Variants in CBLN2 observed in about 807,000 individuals in gnomAD.
CBLN2 encodes cerebellin-2.
In CBLN2, 7 loss-of-function variants were observed where a neutral mutation model predicts 15.0. That is an observed-to-expected ratio of 0.47 (90% CI 0.27 to 0.88). The LOEUF (loss-of-function observed/expected upper bound fraction) is 0.88, where lower values mean the gene tolerates loss of function less well. Ranked by LOEUF, CBLN2 falls within the 40% of genes least tolerant of loss-of-function variation. The pLI is 0.14. For synonymous variants in CBLN2, 149 were observed against 135.2 expected (o/e 1.10, Z -0.71); for missense variants, 242 against 304.5 (o/e 0.79, Z 1.53).
intron 1 of CBLN2, among the ~76,000 whole-genome samples, chr18:72,610,855 G>A (rs1006938754): frequency 6.6e-6 from 1 of 152,132 alleles, no homozygotes. Flanking sequence ...CTTGGGTACT[G>A]AGCATAATAC....
chr18:72,569,834 C>T (rs1036961764), intron 1 of CBLN2, among the ~76,000 whole-genome samples: 1 of 152,192 alleles, frequency 6.6e-6, no homozygotes, highest in South Asian at 2.1e-4. Context: ...CCACCTCCAA[C>T]ACATCCAACA....
chr18:72,632,904 AC>A (rs1393042859), intron 1 of CBLN2, among the ~76,000 whole-genome samples: 8 of 152,188 alleles, frequency 5.3e-5, no homozygotes, highest in African/African-American at 1.7e-4. Flanking sequence ...CAGGTCCCAC[AC>A]CCCTGGTAAT....
chr18:72,569,237 T>G (rs946563520), intron 1 of CBLN2, among the ~76,000 whole-genome samples: 2 of 152,174 alleles, frequency 1.3e-5, no homozygotes, highest in Non-Finnish European at 2.9e-5. Flanking sequence ...TAGTAAAATG[T>G]TTTAGATGTT....
intron 1 of CBLN2, among the ~76,000 whole-genome samples, chr18:72,556,914 C>G (rs1458383639): frequency 6.6e-6 from 1 of 151,916 alleles, no homozygotes; most frequent in African/African-American, 2.4e-5. Context: ...GAAAAAAGAA[C>G]CAAATTATAT....
chr18:72,582,343 C>A (rs1198092085), intron 1 of CBLN2, among the ~76,000 whole-genome samples: 1 of 152,130 alleles, frequency 6.6e-6, no homozygotes, highest in East Asian at 1.9e-4. Flanking sequence ...GGTGGAGCAT[C>A]CGGGAACAGT....
intron 1 of CBLN2, among the ~76,000 whole-genome samples, chr18:72,560,804 C>T (rs533552761): frequency 9.2e-5 from 14 of 152,088 alleles, no homozygotes; most frequent in East Asian, 7.8e-4. Flanking sequence ...GTCAGGAGAT[C>T]GAGACCATCC....
intron 1 of CBLN2, among the ~76,000 whole-genome samples, chr18:72,617,344 A>C (rs190885700): frequency 6.6e-6 from 1 of 152,326 alleles, no homozygotes; most frequent in Admixed American, 6.5e-5. Context: ...CATGAATTCT[A>C]CTAAATAGTT....
At chr18:72,593,948 C>G (rs949540118) in intron 1 of CBLN2, among the ~76,000 whole-genome samples, 2 of 152,108 alleles carry the variant, frequency 1.3e-5, no homozygotes, top group Admixed American at 1.3e-4. Context: ...GAATATTATG[C>G]AGCCATAAAA....
At chr18:72,633,194 A>G (rs1317507309) in intron 1 of CBLN2, among the ~76,000 whole-genome samples, 2 of 152,254 alleles carry the variant, frequency 1.3e-5, no homozygotes, top group South Asian at 2.1e-4. Flanking sequence ...AAATCAACCT[A>G]TTTTACAAAG....
chr18:72,545,476 A>G (rs2069151553), upstream of CBLN2, among the ~76,000 whole-genome samples: 1 of 152,208 alleles, frequency 6.6e-6, no homozygotes. Flanking sequence ...CATGCTGGAG[A>G]TAGGTACTGG....
chr18:72,623,635 G>T (rs1474099565), intron 1 of CBLN2, among the ~76,000 whole-genome samples: 2 of 152,070 alleles, frequency 1.3e-5, no homozygotes, highest in Non-Finnish European at 2.9e-5. Context: ...ACAACCACTG[G>T]CCTGAGTTTG....
At chr18:72,625,532 G>A (rs1422199269) in intron 1 of CBLN2, among the ~76,000 whole-genome samples, 1 of 151,292 alleles carries the variant, frequency 6.6e-6, no homozygotes, top group Non-Finnish European at 1.5e-5. Context: ...TGTATCAGTT[G>A]CACCAACACA....
intron 3 of CBLN2, chr18:72,540,433 A>C (rs985957297): frequency 5.3e-5 from 8 of 152,300 alleles, no homozygotes; most frequent in African/African-American, 1.9e-4. Flanking sequence ...ATCCTGCCCT[A>C]CATCACAGAG....
chr18:72,549,044 C>T (rs1188711160), upstream of CBLN2, among the ~76,000 whole-genome samples: 1 of 151,832 alleles, frequency 6.6e-6, no homozygotes, highest in African/African-American at 2.4e-5. Context: ...TGGAGTCTTG[C>T]TCTGTCACCC....
chr18:72,609,337 G>T (rs533963651), intron 1 of CBLN2, among the ~76,000 whole-genome samples: 1 of 151,992 alleles, frequency 6.6e-6, no homozygotes, highest in East Asian at 1.9e-4. Flanking sequence ...AGGTTATAGG[G>T]GTGGTCACTA....
Position 72,541,922 on chromosome 18 carries a change from G to A in CBLN2, c.239C>T (p.Ser80Phe). 6.2e-7 allele frequency: 1 copy of A among 1,608,538 alleles called. No homozygotes were observed. The highest frequency in any genetic ancestry group is 1.1e-5 in the South Asian group (1 of 90,854). ...GGAGCGCACGGAGATGCCTAGGGAG[G>A]AGGTGACGGCGCCGTCCGCCGACGG... The part of the protein sequence containing the change: ...SSPSADGAVT[S>F]SLGISVRSGS... The change falls in exon 3 of 5, where the codon TCC becomes TTC. Residue 80 changes from serine to phenylalanine, a missense_variant. Ser to Phe is a radical substitution (Grantham distance 155). Around this residue, in one of 4 missense-constraint regions of CBLN2, gnomAD observed 89 missense variants for 114.2 expected, o/e 0.78. Coordinates refer to ENST00000269503, the MANE Select transcript of CBLN2 (RefSeq NM_182511.4).
chr18:72,568,129 G>A (rs563216711), intron 1 of CBLN2, among the ~76,000 whole-genome samples: 1 of 152,184 alleles, frequency 6.6e-6, no homozygotes, highest in African/African-American at 2.4e-5. Context: ...CATTCTGTAA[G>A]TTTGACCTGT....
intron 1 of CBLN2, among the ~76,000 whole-genome samples, chr18:72,619,674 T>C (rs1029426842): frequency 2.0e-5 from 3 of 152,244 alleles, no homozygotes; most frequent in African/African-American, 4.8e-5. Context: ...TGATTATTTA[T>C]GAAAACAAAG....
chr18:72,558,196 C>A (rs2069238628), intron 1 of CBLN2, among the ~76,000 whole-genome samples: 1 of 152,140 alleles, frequency 6.6e-6, no homozygotes, highest in Non-Finnish European at 1.5e-5. Context: ...CAGCTTGACT[C>A]TGGAGGGGCT....
Sources: allele counts gnomAD v4.1 joint callset (sites outside exome capture counted in the v4.1 genomes callset), GRCh38; gene constraint gnomAD v4.1.1; regional missense constraint gnomAD v4.1.1; transcripts MANE v1.5; gene names NCBI Gene and HGNC (gene_info 2026-07-23, HGNC 2026-07-21).